The following VPS8 variants were observed in gnomAD, a reference collection of about 807,000 sequenced individuals.
The protein encoded by VPS8 is vacuolar protein sorting-associated protein 8 homolog.
In VPS8, 129 loss-of-function variants were observed where a neutral mutation model predicts 216.4. That is an observed-to-expected ratio of 0.60 (90% confidence interval 0.52 to 0.69). VPS8 has a LOEUF of 0.69. Among genes scored for constraint, VPS8 ranks in the 30% least tolerant of loss-of-function variants. The pLI is 0.00. For missense variants in VPS8, 1,531 were observed against 1,683.5 expected, an observed-to-expected ratio of 0.91 and a Z score of 1.59; for synonymous variants, 571 against 565.4, an observed-to-expected ratio of 1.01 and a Z score of -0.14.
intron 10 of VPS8, among the ~76,000 whole-genome samples, chr3:184,850,303 G>T (rs931526319): frequency 3.3e-5 from 5 of 152,200 alleles, no homozygotes; most frequent in Admixed American, 6.5e-5. Flanking sequence ...GGGCAAATTG[G>T]TGTGTTGCTA....
At chr3:185,044,718 T>C (rs1197435641) in intron 46 of VPS8, among the ~76,000 whole-genome samples, 1 of 152,176 alleles carries the variant, frequency 6.6e-6, no homozygotes, top group Non-Finnish European at 1.5e-5. Context: ...ATGAATCTCC[T>C]GCAGAGACTT....
chr3:184,836,598 C>G (rs1721138342), intron 5 of VPS8, among the ~76,000 whole-genome samples: 1 of 152,156 alleles, frequency 6.6e-6, no homozygotes, highest in Admixed American at 6.5e-5. Context: ...TGAAAACTGC[C>G]TTTCCTGTGA....
chr3:184,823,069 A>G (rs1717955445), intron 1 of VPS8, among the ~76,000 whole-genome samples: 1 of 152,250 alleles, frequency 6.6e-6, no homozygotes, highest in South Asian at 2.1e-4. Context: ...CAAGGTAACT[A>G]TTCATTTCTT....
chr3:184,820,448 G>A (rs931588240), intron 1 of VPS8, among the ~76,000 whole-genome samples: 3 of 152,078 alleles, frequency 2.0e-5, no homozygotes, highest in East Asian at 1.9e-4. Context: ...CAAATCATCC[G>A]GAATAACCTT....
chr3:185,042,786 A>G (rs2108513391), intron 46 of VPS8, among the ~76,000 whole-genome samples: 1 of 152,272 alleles, frequency 6.6e-6, no homozygotes, highest in South Asian at 2.1e-4. Context: ...TTTTTAATCC[A>G]TTTTTAAAAA....
chr3:185,004,829 G>A (rs1754014048), intron 45 of VPS8, among the ~76,000 whole-genome samples: 1 of 151,976 alleles, frequency 6.6e-6, no homozygotes. Context: ...TTACTCTGCT[G>A]ATTATTTCTT....
At chr3:184,928,171 AG>A (rs1296512052) in intron 31 of VPS8, among the ~76,000 whole-genome samples, 24 of 152,220 alleles carry the variant, frequency 1.6e-4, no homozygotes, top group Admixed American at 1.6e-3. Context: ...AGCTTAGCAG[AG>A]AGTCAGCTCA....
intron 36 of VPS8, among the ~76,000 whole-genome samples, chr3:184,951,446 C>CA (rs1553882539): frequency 4.6e-5 from 7 of 150,794 alleles, no homozygotes; most frequent in Non-Finnish European, 1.0e-4. Flanking sequence ...AATTACAGCA[C>CA]TTCACTCCAG....
In VPS8 at chr3:185,012,979, AAC is replaced by A. The variant is rs540986307; in HGVS notation, c.4003-11356_4003-11355del. 2.8e-3 allele frequency among the ~76,000 whole-genome samples: 429 copies of A among 151,764 alleles called. 7 individuals are homozygous for A. Among genetic ancestry groups the A allele is most frequent in the African/African-American group, 9.9e-3 (407 of 41,038 alleles). ...GCTAAAAGCATTTCCTACGGGAAATAACTAAAAGCATTTCCTACAGGAAATAA... is the reference window on the plus strand; with the variant it reads ...GCTAAAAGCATTTCCTACGGGAAATATAAAAGCATTTCCTACAGGAAATAA... On this transcript the variant is annotated intron_variant, in intron 45 of 47. Coordinates refer to ENST00000625842, the MANE Select transcript of VPS8 (RefSeq NM_001009921.3).
chr3:184,863,473 T>G (rs946815351), intron 16 of VPS8, among the ~76,000 whole-genome samples: 1 of 152,090 alleles, frequency 6.6e-6, no homozygotes, highest in Non-Finnish European at 1.5e-5. Context: ...TTTGGAAATA[T>G]TTGGGTGATA....
intron 46 of VPS8, among the ~76,000 whole-genome samples, chr3:185,028,602 C>T (rs574773368): frequency 6.6e-6 from 1 of 152,278 alleles, no homozygotes; most frequent in South Asian, 2.1e-4. Context: ...AGATCCTAAC[C>T]CTAGGCTGTG....
Position 185,012,954 on chromosome 3 carries a change from G to GGAAATAGTTATTTC in VPS8, c.4003-11382_4003-11381insGAAATAGTTATTTC, listed in dbSNP as rs1561114600. The stretch of plus-strand genomic sequence containing the variant: ...TATTGTTTCTATAGATTATAGATTA[G>GGAAATAGTTATTTC]CTAAAAGCATTTCCTACGGGAAATA... On this transcript the variant is annotated intron_variant, in intron 45 of 47. Coordinates refer to ENST00000625842, the MANE Select transcript of VPS8 (RefSeq NM_001009921.3). Among the ~76,000 whole-genome samples the GGAAATAGTTATTTC allele has an allele frequency of 7.9e-4, 118 of 149,310 alleles. 1 individual carries two copies. Among genetic ancestry groups the GGAAATAGTTATTTC allele is most frequent in the African/African-American group, 3.0e-3 (115 of 38,784 alleles).
At chr3:184,886,075 G>T (rs754244688) in intron 21 of VPS8, 35 bp from the exon 22 acceptor site, 4 of 1,596,740 alleles carry the variant, frequency 2.5e-6, no homozygotes, top group African/African-American at 1.3e-5. Flanking sequence ...GGACAGGGTT[G>T]TGGGGCTGAT....
chr3:184,942,647 C>G (rs1044317505), intron 36 of VPS8, among the ~76,000 whole-genome samples: 2 of 152,194 alleles, frequency 1.3e-5, no homozygotes, highest in African/African-American at 4.8e-5. Context: ...ACCGCGTGTT[C>G]TGCTTTGAGA....
At chr3:184,884,683 C>T (rs1730890117) in intron 21 of VPS8, among the ~76,000 whole-genome samples, 1 of 152,040 alleles carries the variant, frequency 6.6e-6, no homozygotes, top group Non-Finnish European at 1.5e-5. Context: ...CAGTTTTAGG[C>T]AGGTCCTCTG....
Position 184,924,873 on chromosome 3 carries a change from G to C in VPS8, c.2466G>C (p.Glu822Asp). The change falls in exon 30 of 48, where the codon GAG becomes GAC. Residue 822 changes from glutamate to aspartate, a missense_variant. Around this residue, in one of 3 missense-constraint regions of VPS8, gnomAD observed 1,318 missense variants for 1,468.4 expected, o/e 0.90. Transcript: ENST00000625842. Reference protein sequence around the residue: ...IVDILLKVMVENSDFTPSQVG... With the variant: ...IVDILLKVMVDNSDFTPSQVG... ...CCTTTGCTCTTCAGGTTATGGTGGA[G>C]AATTCAGACTTTACCCCCTCACAAG... 1 of 1,612,602 alleles carries C rather than the reference G, an allele frequency of 6.2e-7. No homozygotes were observed. Among genetic ancestry groups the C allele is most frequent in the East Asian group, 2.2e-5 (1 of 44,804 alleles).
Position 184,906,219 on chromosome 3 carries a change from A to G in VPS8, c.2146+5247A>G, listed in dbSNP as rs532721524. ...GAAGTGTGTTGTCTAATTTCCACCT[A>G]TGTGTGAATTTCTCACATTTCCTTC... On this transcript the variant is annotated intron_variant, in intron 25 of 47. Transcript: ENST00000625842. Among the ~76,000 whole-genome samples, 3 of 152,212 alleles carry G rather than the reference A, an allele frequency of 2.0e-5. No individual in the cohort carries two copies. The South Asian group carries it at 6.2e-4, about 32-fold the overall frequency.
chr3:184,852,492 C>T lies in VPS8; in HGVS notation c.754-8C>T, dbSNP rs1350287377. 1 of 1,609,722 alleles carries T rather than the reference C, an allele frequency of 6.2e-7. No individual in the cohort carries two copies. The highest frequency in any genetic ancestry group is 8.5e-7 in the Non-Finnish European group (1 of 1,178,554). On this transcript the variant is annotated splice_polypyrimidine_tract_variant and splice_region_variant and intron_variant, in intron 10 of 47. Coordinates refer to ENST00000625842, the MANE Select transcript of VPS8 (RefSeq NM_001009921.3). ...ATGTACAAGAAAATAAATTCCTTCT[C>T]TGTTTAGTTTACAGATGATCCAACT...
At chr3:184,897,035 G>A (rs1171062631) in intron 23 of VPS8, among the ~76,000 whole-genome samples, 5 of 152,152 alleles carry the variant, frequency 3.3e-5, no homozygotes, top group Admixed American at 1.3e-4. Flanking sequence ...AAAAGGAAGC[G>A]GATCTGGAGC....
Sources: allele counts gnomAD v4.1 joint callset (sites outside exome capture counted in the v4.1 genomes callset), GRCh38; gene constraint gnomAD v4.1.1; regional missense constraint gnomAD v4.1.1; transcripts MANE v1.5; gene names NCBI Gene and HGNC (gene_info 2026-07-23, HGNC 2026-07-21).